GAS6: variants seen among roughly 807,000 people sequenced by gnomAD.
The protein encoded by GAS6 is growth arrest specific 6.
Under a neutral mutation model 75.8 loss-of-function variants are expected in GAS6, and 41 were observed. The observed-to-expected ratio is 0.54, with a 90% CI of 0.42 to 0.70. The LOEUF is 0.70. Among genes scored for constraint, GAS6 ranks in the 30% least tolerant of loss-of-function variants. The probability of loss-of-function intolerance (pLI) is 0.00; values close to 1 mark genes in which losing one functional copy is unlikely to be tolerated. For synonymous variants in GAS6, 432 were observed against 412.6 expected, an observed-to-expected ratio of 1.05 and a Z score of -0.57; for missense variants, 854 against 940.2, an observed-to-expected ratio of 0.91 and a Z score of 1.20.
Position 113,838,081 on chromosome 13 carries a change from T to G in GAS6, c.577A>C (p.Arg193=). The G allele has an allele frequency of 6.2e-7, 1 of 1,612,632 alleles. No individual in the cohort carries two copies. Among genetic ancestry groups the G allele is most frequent in the East Asian group, 2.2e-5 (1 of 44,868 alleles). The change falls in exon 6 of 15, where the codon AGG becomes CGG. Residue 193 remains arginine, a synonymous_variant. Coordinates refer to ENST00000327773, the MANE Select transcript of GAS6 (RefSeq NM_000820.4). The stretch of plus-strand genomic sequence containing the variant: ...CCCAGGGCCTTACCTTGGCAGGTCC[T>G]GCCATCAGAGGAGAGCTCGAAGCCG... ...HSGFELSSDG[R]TCQDIDECAD... is the part of the protein sequence containing the mutation.
At chr13:113,861,942 C>T (rs991946834) in intron 2 of GAS6, among the ~76,000 whole-genome samples, 1 of 152,084 alleles carries the variant, frequency 6.6e-6, no homozygotes, top group African/African-American at 2.4e-5. Flanking sequence ...GGATGCCTCC[C>T]GGGCACCAAA....
chr13:113,826,980 A>C lies in GAS6; in HGVS notation c.1477+16T>G. On this transcript the variant is annotated intron_variant, in intron 12 of 14. Coordinates refer to ENST00000327773, the MANE Select transcript of GAS6 (RefSeq NM_000820.4). ...GTGCAGCCACAGCCACCCCAACGGT[A>C]AGAGCCAAGACTTACTGTAGTCCAG... 6.2e-7 allele frequency: 1 copy of C among 1,607,114 alleles called. No homozygotes were observed. Among genetic ancestry groups the C allele is most frequent in the South Asian group, 1.1e-5 (1 of 90,638 alleles).
In GAS6 at chr13:113,828,551, T is replaced by A; in HGVS notation, c.1304A>T (p.Gln435Leu). The change falls in exon 11 of 15, where the codon CAG (glutamine) becomes CTG (leucine). Residue 435 changes from glutamine to leucine, a missense_variant. Gln to Leu is a moderately radical substitution (Grantham distance 113). Coordinates refer to ENST00000327773, the MANE Select transcript of GAS6 (RefSeq NM_000820.4). ...AGGGACAGGTACAGTACTCACAGGC[T>A]GCACGAGGTCCTTCTCATGGAAGGG... ...GIPFHEKDLV[Q>L]PINPRLDGCM... The A allele has an allele frequency of 1.2e-6, 2 of 1,613,192 alleles. No homozygotes were observed. Among genetic ancestry groups the A allele is most frequent in the Non-Finnish European group, 1.7e-6 (2 of 1,179,824 alleles).
rs183961908 is a variant in GAS6, at chr13:113,831,382, G to A, written c.1143+917C>T. On this transcript the variant is annotated intron_variant, in intron 10 of 14. Transcript: ENST00000327773. ...CGCCGTCCTACAGGGAAGGGTGGGCGGGCGGCGCCTGGCCTGGCCACGGCC... is the reference window on the plus strand; with the variant it reads ...CGCCGTCCTACAGGGAAGGGTGGGCAGGCGGCGCCTGGCCTGGCCACGGCC... Among the ~76,000 whole-genome samples, 494 of 152,300 alleles carry A rather than the reference G, an allele frequency of 3.2e-3. 2 individuals carry two copies. Among genetic ancestry groups the A allele is most frequent in the East Asian group, 6.8e-3 (35 of 5,174 alleles).
rs371330020 is a variant in GAS6, at chr13:113,846,665, G to A, written c.281-76C>T. Reference sequence around the variant, plus strand: ...ACTGCAGAGCCTCTGCTTCTGAGACGCTCTGGAGAGGCAGTTACTCTGCTT... The same window carrying A: ...ACTGCAGAGCCTCTGCTTCTGAGACACTCTGGAGAGGCAGTTACTCTGCTT... On this transcript the variant is annotated intron_variant, in intron 3 of 14. Transcript: ENST00000327773. The A allele has an allele frequency of 8.0e-5, 98 of 1,219,262 alleles. No individual in the cohort carries two copies. The African/African-American group carries it at 1.1e-3, about 14-fold the overall frequency. 75.5% of individuals were successfully genotyped at this position (1,219,262 alleles called of 1,614,324 possible).
rs1232637005 is a variant in GAS6, at chr13:113,823,471, T to C, written c.1557A>G (p.Thr519=). The C allele has an allele frequency of 2.5e-6, 4 of 1,612,626 alleles. No homozygotes were observed. Among genetic ancestry groups the C allele is most frequent in the Non-Finnish European group, 2.5e-6 (3 of 1,179,940 alleles). ...VVAHIRPAAD[T]GVLFALWAPD... ...GGGCCCAGAGCGCAAACAGCACGCC[T>C]GTGTCTGCGGCTGGGCGGATGTGAG... The change falls in exon 13 of 15, where the codon ACA becomes ACG. Residue 519 remains threonine (T), a synonymous_variant. Coordinates refer to ENST00000327773, the MANE Select transcript of GAS6 (RefSeq NM_000820.4).
Position 113,823,431 on chromosome 13 carries a change from C to A in GAS6, c.1597G>T (p.Val533Leu), listed in dbSNP as rs781425318. The A allele has an allele frequency of 1.2e-6, 2 of 1,612,748 alleles. No individual in the cohort carries two copies. The highest frequency in any genetic ancestry group is 1.7e-6 in the Non-Finnish European group (2 of 1,179,934). Residue 533 changes from valine (V) to leucine (L), a missense_variant, in exon 13 of 15, where the codon GTG (valine) becomes TTG (leucine). Physicochemically the swap from Val to Leu is conservative, Grantham distance 32. Transcript: ENST00000327773. Reference sequence around the variant, plus strand: ...TCTACCAGTGCCACAGAGAGAGGCACGGCACGGAGGTCGGGGGCCCAGAGC... The same window carrying A: ...TCTACCAGTGCCACAGAGAGAGGCAAGGCACGGAGGTCGGGGGCCCAGAGC... Reference protein sequence around the residue: ...FALWAPDLRAVPLSVALVDYH... With the variant: ...FALWAPDLRALPLSVALVDYH...
At chr13:113,851,387 ATGAG>A (rs1174665564) in intron 2 of GAS6, among the ~76,000 whole-genome samples, 12 of 150,142 alleles carry the variant, frequency 8.0e-5, no homozygotes, top group South Asian at 2.1e-4. Context: ...GAGTGGGTAG[ATGAG>A]TGAGTACATG....
rs113617511 is a variant in GAS6 at position 113,829,054 on chromosome 13, C to G, written c.1144-343G>C. On this transcript the variant is annotated intron_variant, in intron 10 of 14. Coordinates refer to ENST00000327773, the MANE Select transcript of GAS6 (RefSeq NM_000820.4). ...GGGCCAAGAGGGTCTCAATCTCAGG[C>G]AGACCACATGATCCTCACCTGGGCC... 8.4e-3 allele frequency among the ~76,000 whole-genome samples: 496 copies of G among 58,910 alleles called. 30 individuals are homozygous for G. Among genetic ancestry groups the G allele is most frequent in the African/African-American group, 0.022 (123 of 5,638 alleles). The allele number at this position is 58,910 out of a possible 152,430, so 38.6% of individuals were successfully genotyped here. A position where few individuals can be genotyped will look rare whatever the true frequency, so the allele number is the denominator to read the frequency against.
chr13:113,859,384 A>G (rs2051950447), intron 2 of GAS6, among the ~76,000 whole-genome samples: 1 of 148,748 alleles, frequency 6.7e-6, no homozygotes, highest in Non-Finnish European at 1.5e-5. Flanking sequence ...GAATGTGTGC[A>G]TGTATGTATA....
chr13:113,834,669 A>C lies in GAS6; in HGVS notation c.716T>G (p.Val239Gly). ...YSSQEKACRD[V>G]DECLQGRCEQ... ...ACAGCGGCCCTGCAGACACTCGTCC[A>C]CATCTGCCAGCCAGAGGGAAGCGGC... is the stretch of plus-strand genomic sequence containing the variant. Residue 239 changes from valine to glycine, a missense_variant, in exon 8 of 15, where the codon GTG becomes GGG. Coordinates refer to ENST00000327773, the MANE Select transcript of GAS6 (RefSeq NM_000820.4). 1 of 1,565,210 alleles carries C rather than the reference A, an allele frequency of 6.4e-7. No homozygotes were observed. The highest frequency in any genetic ancestry group is 1.2e-5 in the South Asian group (1 of 85,128).
At position 113,835,557 on chromosome 13, in the gene GAS6, C is replaced by G; in HGVS notation, c.668G>C (p.Cys223Ser). 3 of 1,612,600 alleles carry G rather than the reference C, an allele frequency of 1.9e-6. No homozygotes were observed. Among genetic ancestry groups the G allele is most frequent in the Non-Finnish European group, 2.5e-6 (3 of 1,179,888 alleles). ...KNLPGSYSCL[C>S]DEGFAYSSQE... ...GGAGCTGTACGCAAAGCCCTCGTCACAGAGGCAGGAGTAGGAGCCGGGCAG... is the reference window on the plus strand; with the variant it reads ...GGAGCTGTACGCAAAGCCCTCGTCAGAGAGGCAGGAGTAGGAGCCGGGCAG... Residue 223 changes from cysteine to serine, a missense_variant, in exon 7 of 15, where the codon TGT (cysteine) becomes TCT (serine). Cys to Ser is a moderately radical substitution (Grantham distance 112). Transcript: ENST00000327773.
intron 13 of GAS6, 98 bp downstream of exon 13, chr13:113,823,277 G>A (rs1204638618): frequency 1.5e-6 from 2 of 1,323,928 alleles, no homozygotes; most frequent in Non-Finnish European, 2.0e-6. Flanking sequence ...GGTCCCTGGG[G>A]ATCCCACCGC....
chr13:113,838,864 G>A (rs1036642919), intron 5 of GAS6, among the ~76,000 whole-genome samples: 2 of 151,752 alleles, frequency 1.3e-5, no homozygotes, highest in Non-Finnish European at 2.9e-5. Flanking sequence ...AGAGATCCTA[G>A]AGGTGCACAG....
intron 7 of GAS6, 141 bp from the exon 8 acceptor site, chr13:113,834,813 T>C: frequency 1.1e-6 from 1 of 910,152 alleles, no homozygotes; most frequent in Non-Finnish European, 1.5e-6. Flanking sequence ...GGCTTGGGGG[T>C]CGCGTCCCCC....
intron 2 of GAS6, among the ~76,000 whole-genome samples, chr13:113,851,584 A>G (rs1594207889): frequency 7.0e-6 from 1 of 142,392 alleles, no homozygotes; most frequent in African/African-American, 3.1e-5. Context: ...TGAATGGGTG[A>G]CTGGATGGAT....
In GAS6 at chr13:113,837,934, T is replaced by G; in HGVS notation, c.589+135A>C. The G allele has an allele frequency of 9.7e-7, 1 of 1,032,246 alleles. No individual in the cohort carries two copies. Among genetic ancestry groups the G allele is most frequent in the Non-Finnish European group, 1.4e-6 (1 of 705,898 alleles). 63.9% of individuals were successfully genotyped at this position (1,032,246 alleles called of 1,614,324 possible). ...CTGCGGCTGGCCTGGGCTTGTGTAGTCTCTGCAGGATGCCCCATCCCATCC... is the reference window on the plus strand; with the variant it reads ...CTGCGGCTGGCCTGGGCTTGTGTAGGCTCTGCAGGATGCCCCATCCCATCC... On this transcript the variant is annotated intron_variant, in intron 6 of 14. Coordinates refer to ENST00000327773, the MANE Select transcript of GAS6 (RefSeq NM_000820.4). This position sits in a 1 kb window ranked among gnomAD's most constrained non-coding sequence, Gnocchi z 5.1.
rs540556515 is a variant in GAS6, at chr13:113,820,633, T to C, written c.*231A>G. ...GGTAATAAAAATAATAGAGAATTATTTTCTTCGAGCCCGCTCTGCGCTGCG... is the reference window on the plus strand; with the variant it reads ...GGTAATAAAAATAATAGAGAATTATCTTCTTCGAGCCCGCTCTGCGCTGCG... On this transcript the variant is annotated 3_prime_UTR_variant, in exon 15 of 15. Transcript: ENST00000327773. The C allele has an allele frequency of 4.4e-5, 22 of 498,276 alleles. No individual in the cohort carries two copies. The South Asian group carries it at 8.6e-4, about 19-fold the overall frequency. The allele number at this position is 498,276 out of a possible 1,614,324, so 30.9% of individuals were successfully genotyped here.
intron 2 of GAS6, among the ~76,000 whole-genome samples, chr13:113,857,491 C>T (rs1457570881): frequency 1.3e-5 from 2 of 152,238 alleles, no homozygotes; most frequent in African/African-American, 2.4e-5. Context: ...ACATCAAATA[C>T]GAAACCCTTA....
Sources: gnomAD v4.1 joint callset for allele counts (sites outside exome capture counted in the v4.1 genomes callset) on GRCh38, gnomAD v4.1.1 for gene constraint, Gnocchi (gnomAD v3.1) non-coding constraint, MANE v1.5 for transcripts, NCBI Gene and HGNC (gene_info 2026-07-23, HGNC 2026-07-21) for gene names.